MTUS2: variants seen among roughly 807,000 people sequenced by gnomAD.
MTUS2 encodes microtubule-associated tumor suppressor candidate 2.
In MTUS2, 40 loss-of-function variants were observed where a neutral mutation model predicts 114.1. The observed-to-expected ratio is 0.35, with a 90% CI of 0.27 to 0.46. MTUS2 has a LOEUF of 0.46. Among genes scored for constraint, MTUS2 ranks in the 20% least tolerant of loss-of-function variants. MTUS2 has a pLI of 1.00. For missense variants in MTUS2, 1,679 were observed against 1,705.4 expected, an observed-to-expected ratio of 0.98 and a Z score of 0.27; for synonymous variants, 688 against 672.0, an observed-to-expected ratio of 1.02 and a Z score of -0.37.
chr13:29,322,050 C>CT (rs1396401993), intron 6 of MTUS2, among the ~76,000 whole-genome samples: 2 of 152,074 alleles, frequency 1.3e-5, no homozygotes, highest in African/African-American at 4.8e-5. Context: ...TTTTTGCATA[C>CT]TTGTAGAAGT....
chr13:29,185,732 A>T (rs1261554321), intron 5 of MTUS2, among the ~76,000 whole-genome samples: 1 of 152,234 alleles, frequency 6.6e-6, no homozygotes, highest in African/African-American at 2.4e-5. Flanking sequence ...TTTTCACATT[A>T]AAGGAAATCT....
chr13:29,155,959 A>T (rs1364111876), intron 5 of MTUS2, among the ~76,000 whole-genome samples: 1 of 152,144 alleles, frequency 6.6e-6, no homozygotes, highest in Non-Finnish European at 1.5e-5. Context: ...GGCAGTAAAT[A>T]GTTGGTCTGA....
intron 2 of MTUS2, among the ~76,000 whole-genome samples, chr13:28,947,981 T>C (rs1307143128): frequency 6.6e-6 from 1 of 152,214 alleles, no homozygotes; most frequent in Non-Finnish European, 1.5e-5. Flanking sequence ...GTATGTTGTT[T>C]ATGCTTTGAA....
intron 5 of MTUS2, among the ~76,000 whole-genome samples, chr13:29,240,380 T>C (rs1331261649): frequency 2.0e-5 from 3 of 152,168 alleles, no homozygotes; most frequent in African/African-American, 7.2e-5. Flanking sequence ...TTCAAGCATA[T>C]AAAACCCCAG....
intron 9 of MTUS2, among the ~76,000 whole-genome samples, chr13:29,452,619 T>TAC (rs1878796689): frequency 2.6e-5 from 4 of 150,948 alleles, no homozygotes; most frequent in African/African-American, 9.7e-5. Context: ...TATATATATA[T>TAC]ATTTTGTAGA....
At chr13:29,371,242 G>A (rs1324162742) in intron 8 of MTUS2, among the ~76,000 whole-genome samples, 1 of 147,432 alleles carries the variant, frequency 6.8e-6, no homozygotes, top group Non-Finnish European at 1.5e-5. Flanking sequence ...TTTTGAGATG[G>A]AGTCTCGCTC....
At chr13:29,263,017 G>A (rs570308775) in intron 5 of MTUS2, among the ~76,000 whole-genome samples, 149 of 152,230 alleles carry the variant, frequency 9.8e-4, no homozygotes, top group African/African-American at 3.4e-3. Flanking sequence ...GTCTAATGAC[G>A]GAAGGTAAAC....
intron 8 of MTUS2, among the ~76,000 whole-genome samples, chr13:29,365,779 C>A (rs1179366837): frequency 6.6e-6 from 1 of 152,150 alleles, no homozygotes; most frequent in Non-Finnish European, 1.5e-5. Flanking sequence ...CCCACTCAAC[C>A]TTTCTAGACC....
At chr13:29,492,745 C>CATTAATTTGG (rs755981439) in intron 12 of MTUS2, 26 bp downstream of exon 12, 14 of 1,563,980 alleles carry the variant, frequency 9.0e-6, no homozygotes. Flanking sequence ...ATTTTCTTAC[C>CATTAATTTGG]TGGTATCGAG....
In MTUS2 at chr13:29,024,588, AG is replaced by A; in HGVS notation, c.-107del. 1 of 1,318,702 alleles carries A rather than the reference AG, an allele frequency of 7.6e-7. No homozygotes were observed. The highest frequency in any genetic ancestry group is 2.2e-5 in the Admixed American group (1 of 45,776). The allele number at this position is 1,318,702 out of a possible 1,614,324, so 81.7% of individuals were successfully genotyped here. On this transcript the variant is annotated 5_prime_UTR_variant, in exon 3 of 16. It removes the in-frame stop codon of an upstream open reading frame in the 5' UTR. Coordinates refer to ENST00000612955, the MANE Select transcript of MTUS2 (RefSeq NM_001033602.4). The stretch of plus-strand genomic sequence containing the variant: ...AGCAGTGTCGCAAGGTGACATTGTC[AG>A]GGGAGAACAAGCAGCTTGAGAATTT...
At position 29,291,761 on chromosome 13, in the gene MTUS2, G is replaced by A. The variant is rs1412326873; in HGVS notation, c.2806+9896G>A. 3.3e-5 allele frequency among the ~76,000 whole-genome samples: 5 copies of A among 152,274 alleles called. No individual in the cohort carries two copies. In the South Asian group the frequency reaches 8.3e-4, roughly 25 times the overall value. On this transcript the variant is annotated intron_variant, in intron 6 of 15. Coordinates refer to ENST00000612955, the MANE Select transcript of MTUS2 (RefSeq NM_001033602.4). ...TTCATTTTGTTTCCCAGCTCAGATA[G>A]GAGGCCACACACATTGCCTAAAAAC...
At chr13:29,235,100 TAA>T (rs1896483870) in intron 5 of MTUS2, among the ~76,000 whole-genome samples, 1 of 152,112 alleles carries the variant, frequency 6.6e-6, no homozygotes, top group South Asian at 2.1e-4. Context: ...ATTAATTAAT[TAA>T]TTAATTTTTT....
intron 8 of MTUS2, among the ~76,000 whole-genome samples, chr13:29,422,016 A>G (rs755153728): frequency 8.5e-5 from 13 of 152,238 alleles, no homozygotes; most frequent in Non-Finnish European, 1.9e-4. Context: ...TGTACTTTTT[A>G]TAAAGCATTG....
intron 9 of MTUS2, among the ~76,000 whole-genome samples, chr13:29,452,572 A>ATGTGTGTGTG (rs1448764367): frequency 2.1e-5 from 1 of 48,742 alleles, no homozygotes; most frequent in African/African-American, 6.4e-5. Context: ...ATATATATAT[A>ATGTGTGTGTG]TATGTGTGTG....
intron 5 of MTUS2, among the ~76,000 whole-genome samples, chr13:29,184,385 G>C (rs1894133982): frequency 6.6e-6 from 1 of 151,952 alleles, no homozygotes; most frequent in Non-Finnish European, 1.5e-5. Context: ...TGAACATCAT[G>C]CTCCTAGAAA....
At chr13:29,293,278 G>C (rs572719637) in intron 6 of MTUS2, among the ~76,000 whole-genome samples, 344 of 152,168 alleles carry the variant, frequency 2.3e-3, no homozygotes, top group Non-Finnish European at 3.9e-3. Flanking sequence ...TGAAAAACAG[G>C]TAAAGATATG....
intron 5 of MTUS2, among the ~76,000 whole-genome samples, chr13:29,258,306 C>T (rs1383490153): frequency 6.6e-6 from 1 of 152,188 alleles, no homozygotes; most frequent in Non-Finnish European, 1.5e-5. Context: ...ATGTGGTCCC[C>T]CACCTTCAAG....
chr13:29,145,090 T>C (rs1395504740), intron 5 of MTUS2, among the ~76,000 whole-genome samples: 1 of 152,258 alleles, frequency 6.6e-6, no homozygotes, highest in Non-Finnish European at 1.5e-5. Flanking sequence ...TAAATTGCCC[T>C]TTAGTGTTGT....
chr13:28,890,528 G>A (rs1407714646), intron 2 of MTUS2, among the ~76,000 whole-genome samples: 1 of 152,112 alleles, frequency 6.6e-6, no homozygotes, highest in African/African-American at 2.4e-5. Context: ...GCGTTTTTAT[G>A]AGAATTAAAT....
Sources: gnomAD v4.1 joint callset for allele counts (sites outside exome capture counted in the v4.1 genomes callset) on GRCh38, gnomAD v4.1.1 for gene constraint, MANE v1.5 for transcripts, NCBI Gene and HGNC (gene_info 2026-07-23, HGNC 2026-07-21) for gene names.